Variants in FAM135B observed in about 807,000 individuals in gnomAD.
FAM135B encodes the protein protein FAM135B.
Under a neutral mutation model 127.7 loss-of-function variants are expected in FAM135B, and 43 were observed. The ratio of observed to expected loss-of-function variants is 0.34; its 90% CI spans 0.26 to 0.43. The LOEUF is 0.43. FAM135B is among the 20% of genes least tolerant of loss of function. FAM135B has a pLI of 1.00. For missense variants in FAM135B, 1,558 were observed against 1,725.6 expected (o/e 0.90, Z 1.72); for synonymous variants, 670 against 665.1 (o/e 1.01, Z -0.11).
intron 1 of FAM135B, among the ~76,000 whole-genome samples, chr8:138,493,142 C>G (rs1815266982): frequency 6.6e-6 from 1 of 152,186 alleles, no homozygotes; most frequent in Non-Finnish European, 1.5e-5. Flanking sequence ...GTGCAGCCAC[C>G]TAGAAATTAT....
At chr8:138,440,861 G>A (rs957446044) in intron 1 of FAM135B, 1 of 152,178 alleles carries the variant, frequency 6.6e-6, no homozygotes. Context: ...CCCTTGGTCT[G>A]GGTGGTAACT....
At chr8:138,216,853 C>A (rs952743320) in intron 7 of FAM135B, among the ~76,000 whole-genome samples, 1 of 152,098 alleles carries the variant, frequency 6.6e-6, no homozygotes. Context: ...AGCTACAATC[C>A]TAACCATCTT....
chr8:138,363,259 C>A (rs935304222), intron 2 of FAM135B, among the ~76,000 whole-genome samples: 1 of 152,152 alleles, frequency 6.6e-6, no homozygotes, highest in African/African-American at 2.4e-5. Context: ...ATTTAGTTGG[C>A]ATCTGCTAGA....
At chr8:138,195,633 TAC>T (rs34987954) in intron 8 of FAM135B, among the ~76,000 whole-genome samples, 38,145 of 147,914 alleles carry the variant, frequency 0.26, 5,912 homozygotes, top group African/African-American at 0.43. Flanking sequence ...TTTTTGCAGG[TAC>T]ACACACACAC....
chr8:138,444,013 TAAAAC>T (rs1835959685), intron 1 of FAM135B, among the ~76,000 whole-genome samples: 1 of 152,090 alleles, frequency 6.6e-6, no homozygotes, highest in Non-Finnish European at 1.5e-5. Context: ...TAGTCTCTGA[TAAAAC>T]AGATTATAAA....
intron 1 of FAM135B, among the ~76,000 whole-genome samples, chr8:138,399,136 C>CT (rs1179555978): frequency 3.3e-5 from 5 of 152,026 alleles, no homozygotes; most frequent in Admixed American, 6.6e-5. Context: ...ATCCATATGC[C>CT]TTTTTTTCCC....
chr8:138,243,316 C>T lies in FAM135B; in HGVS notation c.543-248G>A, dbSNP rs796724878. 2.0e-4 allele frequency among the ~76,000 whole-genome samples: 30 copies of T among 152,162 alleles called. 1 individual carries two copies. The highest frequency in any genetic ancestry group is 7.2e-4 in the African/African-American group (30 of 41,506). ...ACAATGTGTGCATGTAAATGCCCAC[C>T]CTAAATGCCAACAACATACCTGTAA... is the stretch of plus-strand genomic sequence containing the variant. On this transcript the variant is annotated intron_variant, in intron 6 of 19. Transcript: ENST00000395297. The surrounding 1 kb of genome is among the most constrained non-coding windows in gnomAD (Gnocchi z 7.5).
At chr8:138,239,650 T>C (rs1318510721) in intron 7 of FAM135B, among the ~76,000 whole-genome samples, 2 of 152,204 alleles carry the variant, frequency 1.3e-5, no homozygotes, top group Admixed American at 1.3e-4. Flanking sequence ...CATTACTGGG[T>C]ATATACCCAA....
At chr8:138,469,822 C>G (rs1299610996) in intron 1 of FAM135B, among the ~76,000 whole-genome samples, 1 of 152,110 alleles carries the variant, frequency 6.6e-6, no homozygotes, top group East Asian at 1.9e-4. Context: ...TTTACAGTCC[C>G]CAACACAGAG....
rs1815743056 is a variant in FAM135B, at chr8:138,187,995, GA to G, written c.873+7262del. 2.0e-5 allele frequency among the ~76,000 whole-genome samples: 3 copies of G among 152,306 alleles called. No homozygotes were observed. The East Asian group carries it at 5.8e-4, about 30-fold the overall frequency. ...GGTCTTAGAGAGGTTCTGGGTTAGT[GA>G]ATGCCTTCACCTGCTAGGAGGATGG... On this transcript the variant is annotated intron_variant, in intron 9 of 19. Coordinates refer to ENST00000395297, the MANE Select transcript of FAM135B (RefSeq NM_015912.4).
intron 1 of FAM135B, among the ~76,000 whole-genome samples, chr8:138,474,261 A>G (rs1814260550): frequency 6.6e-6 from 1 of 152,196 alleles, no homozygotes; most frequent in African/African-American, 2.4e-5. Context: ...GAGGCCAGAC[A>G]GACCCCCACG....
At chr8:138,229,844 A>G (rs180859191) in intron 7 of FAM135B, among the ~76,000 whole-genome samples, 1 of 152,214 alleles carries the variant, frequency 6.6e-6, no homozygotes, top group African/African-American at 2.4e-5. Context: ...AGACCCTTAT[A>G]AAACCATCAG....
intron 3 of FAM135B, among the ~76,000 whole-genome samples, chr8:138,299,108 TA>T (rs869147679): frequency 5.0e-5 from 7 of 139,740 alleles, no homozygotes; most frequent in African/African-American, 1.9e-4. Context: ...AATAAATAAA[TA>T]AAATAAAAAT....
intron 3 of FAM135B, among the ~76,000 whole-genome samples, chr8:138,288,952 C>T (rs534256458): frequency 2.0e-4 from 30 of 152,180 alleles, no homozygotes; most frequent in Non-Finnish European, 3.2e-4. Flanking sequence ...CTGATGACAA[C>T]GCTTGCCTAT....
chr8:138,295,102 CTTTTTTTTTTTTTTTT>C (rs527258472), intron 3 of FAM135B, among the ~76,000 whole-genome samples: 3 of 82,196 alleles, frequency 3.6e-5, no homozygotes, highest in African/African-American at 1.5e-4. Context: ...CTTGCTGGTG[CTTTTTTTTTTTTTTTT>C]TTTTTTTTTT....
At chr8:138,186,977 G>A (rs1436932991) in intron 9 of FAM135B, among the ~76,000 whole-genome samples, 2 of 152,180 alleles carry the variant, frequency 1.3e-5, no homozygotes, top group African/African-American at 4.8e-5. Flanking sequence ...AAAGCAAAAT[G>A]ACTGGGGATA....
intron 3 of FAM135B, among the ~76,000 whole-genome samples, chr8:138,283,137 G>A (rs1173131867): frequency 1.3e-5 from 2 of 151,988 alleles, no homozygotes; most frequent in African/African-American, 4.8e-5. Context: ...TTGACCTCGT[G>A]ACCCGCCCAC....
At chr8:138,248,020 T>G (rs1196374013) in intron 6 of FAM135B, among the ~76,000 whole-genome samples, 2 of 152,184 alleles carry the variant, frequency 1.3e-5, no homozygotes, top group Non-Finnish European at 2.9e-5. Flanking sequence ...ACTAAATGCT[T>G]ATTATGTGCT....
intron 6 of FAM135B, among the ~76,000 whole-genome samples, chr8:138,250,611 T>C (rs1821621936): frequency 6.6e-6 from 1 of 152,096 alleles, no homozygotes; most frequent in African/African-American, 2.4e-5. Context: ...GTCTTCCTGG[T>C]GTAAGCCATA....
Sources: allele counts gnomAD v4.1 joint callset (sites outside exome capture counted in the v4.1 genomes callset), GRCh38; gene constraint gnomAD v4.1.1; non-coding constraint Gnocchi (gnomAD v3.1); transcripts MANE v1.5; gene names NCBI Gene and HGNC (gene_info 2026-07-23, HGNC 2026-07-21).